The following SLIT3 variants were observed in gnomAD, a reference collection of about 807,000 sequenced individuals.
SLIT3 encodes the protein slit guidance ligand 3, also known as slit homolog 3 protein.
A neutral mutation model predicts 184.0 loss-of-function variants in SLIT3; 68 were observed. The ratio of observed to expected loss-of-function variants is 0.37; its 90% CI spans 0.30 to 0.45. SLIT3 has a LOEUF of 0.45. Ranked by LOEUF, SLIT3 falls within the 20% of genes least tolerant of loss-of-function variation. The pLI is 1.00. For missense variants in SLIT3, 1,707 were observed against 2,026.0 expected, an observed-to-expected ratio of 0.84 and a Z score of 3.02; for synonymous variants, 831 against 828.6, an observed-to-expected ratio of 1.00 and a Z score of -0.05.
chr5:169,124,529 C>G (rs2113297015), intron 4 of SLIT3, among the ~76,000 whole-genome samples: 1 of 152,184 alleles, frequency 6.6e-6, no homozygotes, highest in East Asian at 1.9e-4. Flanking sequence ...CCCTTCTAAA[C>G]TAGGTGCTGG....
chr5:169,198,724 G>A (rs1581045476), intron 3 of SLIT3, among the ~76,000 whole-genome samples: 1 of 152,054 alleles, frequency 6.6e-6, no homozygotes, highest in South Asian at 2.1e-4. Context: ...ACGAGGTCAG[G>A]AGCTCGAGAC....
intron 4 of SLIT3, among the ~76,000 whole-genome samples, chr5:169,074,410 A>G (rs1324708540): frequency 6.6e-6 from 1 of 152,188 alleles, no homozygotes; most frequent in African/African-American, 2.4e-5. Context: ...GACATTAATA[A>G]TAACAGTAGT....
chr5:168,918,628 G>A (rs965901550), intron 4 of SLIT3, among the ~76,000 whole-genome samples: 1 of 152,170 alleles, frequency 6.6e-6, no homozygotes, highest in African/African-American at 2.4e-5. Context: ...ATCCATAAAC[G>A]GACATGTGGC....
At chr5:169,186,631 A>G (rs1204517143) in intron 4 of SLIT3, among the ~76,000 whole-genome samples, 1 of 152,132 alleles carries the variant, frequency 6.6e-6, no homozygotes, top group Non-Finnish European at 1.5e-5. Context: ...TTGCTCTAAT[A>G]TTGGACTGCC....
intron 1 of SLIT3, among the ~76,000 whole-genome samples, chr5:169,279,018 T>C (rs568169618): frequency 2.6e-5 from 4 of 152,316 alleles, no homozygotes; most frequent in Non-Finnish European, 5.9e-5. Flanking sequence ...GCCATGAGGC[T>C]AGGTAAGGTG....
At chr5:169,074,525 T>C (rs904310409) in intron 4 of SLIT3, among the ~76,000 whole-genome samples, 3 of 152,174 alleles carry the variant, frequency 2.0e-5, no homozygotes, top group Non-Finnish European at 4.4e-5. Flanking sequence ...CTAAAACACA[T>C]CCTATGAAGT....
intron 3 of SLIT3, among the ~76,000 whole-genome samples, chr5:169,208,652 G>A (rs1273995340): frequency 9.2e-5 from 14 of 152,038 alleles, no homozygotes; most frequent in Admixed American, 8.5e-4. Flanking sequence ...CCATCTGAAC[G>A]TTGACAAACC....
intron 4 of SLIT3, among the ~76,000 whole-genome samples, chr5:169,062,866 A>G (rs754911375): frequency 1.3e-5 from 2 of 152,218 alleles, no homozygotes; most frequent in Admixed American, 6.5e-5. Flanking sequence ...GCTGGGGAAG[A>G]AAAAGACCTT....
At chr5:169,142,531 C>G (rs1761782352) in intron 4 of SLIT3, among the ~76,000 whole-genome samples, 1 of 152,192 alleles carries the variant, frequency 6.6e-6, no homozygotes, top group Non-Finnish European at 1.5e-5. Context: ...AGCTCTAAGA[C>G]TGAGAGTATA....
At chr5:168,868,692 G>A (rs1288833891) in intron 5 of SLIT3, among the ~76,000 whole-genome samples, 3 of 144,346 alleles carry the variant, frequency 2.1e-5, no homozygotes, top group Admixed American at 7.1e-5. Flanking sequence ...AGGTTACAGC[G>A]AGCTGAGATC....
chr5:168,990,715 C>T (rs1341148725), intron 4 of SLIT3, among the ~76,000 whole-genome samples: 1 of 152,150 alleles, frequency 6.6e-6, no homozygotes, highest in Non-Finnish European at 1.5e-5. Context: ...GAGTTGTGTG[C>T]AGGTACAGGG....
chr5:168,704,553 ATTTCATC>A (rs1486864992), intron 26 of SLIT3, among the ~76,000 whole-genome samples: 1 of 152,192 alleles, frequency 6.6e-6, no homozygotes, highest in Non-Finnish European at 1.5e-5. Flanking sequence ...TGGGTAAATT[ATTTCATC>A]TTTCTGAACC....
intron 10 of SLIT3, among the ~76,000 whole-genome samples, chr5:168,793,286 G>A (rs55920908): frequency 0.054 from 8,176 of 152,056 alleles, 321 homozygotes; most frequent in Non-Finnish European, 0.081. Context: ...GCAGGATGTG[G>A]TTCAGTCACA....
chr5:169,192,423 C>CTCTGTGTGTG (rs1044234461), intron 4 of SLIT3, among the ~76,000 whole-genome samples: 15 of 148,172 alleles, frequency 1.0e-4, no homozygotes, highest in Non-Finnish European at 1.9e-4. Flanking sequence ...TATATAGTCT[C>CTCTGTGTGTG]TGTGTGTGTG....
At chr5:168,997,345 G>C (rs1755549731) in intron 4 of SLIT3, among the ~76,000 whole-genome samples, 1 of 152,142 alleles carries the variant, frequency 6.6e-6, no homozygotes, top group African/African-American at 2.4e-5. Flanking sequence ...CCCCACTTTA[G>C]AGGGAGAGAC....
At chr5:168,729,804 A>C (rs2113394040) in intron 20 of SLIT3, among the ~76,000 whole-genome samples, 1 of 152,302 alleles carries the variant, frequency 6.6e-6, no homozygotes, top group African/African-American at 2.4e-5. Context: ...AGAAAAAGAA[A>C]GAAACAAGGA....
chr5:168,740,753 G>GA (rs1416017524), intron 20 of SLIT3, among the ~76,000 whole-genome samples: 3 of 152,204 alleles, frequency 2.0e-5, no homozygotes, highest in Admixed American at 2.0e-4. Flanking sequence ...TTCCAAATCA[G>GA]AAAATCAGGT....
intron 4 of SLIT3, among the ~76,000 whole-genome samples, chr5:168,967,929 G>A (rs1236915646): frequency 2.6e-5 from 4 of 152,116 alleles, no homozygotes; most frequent in Admixed American, 6.5e-5. Context: ...AGACACTCTC[G>A]TACCTCCTGC....
Position 168,813,619 on chromosome 5 carries a change from C to T in SLIT3, c.793+3681G>A, listed in dbSNP as rs371920771. ...ATACCCAGGGGAAGAAAATAAATGC[C>T]TTCAACTGGAAAGGTACAGTTGACA... On this transcript the variant is annotated intron_variant, in intron 8 of 35. Coordinates refer to ENST00000519560, the MANE Select transcript of SLIT3 (RefSeq NM_003062.4). Among the ~76,000 whole-genome samples, 22 of 152,330 alleles carry T rather than the reference C, an allele frequency of 1.4e-4. 2 individuals carry two copies. Among genetic ancestry groups the T allele is most frequent in the African/African-American group, 5.1e-4 (21 of 41,576 alleles).
Sources: allele counts gnomAD v4.1 joint callset (sites outside exome capture counted in the v4.1 genomes callset), GRCh38; gene constraint gnomAD v4.1.1; transcripts MANE v1.5; gene names NCBI Gene and HGNC (gene_info 2026-07-23, HGNC 2026-07-21).